EPS15: variants seen among roughly 807,000 people sequenced by gnomAD.
EPS15 encodes the protein epidermal growth factor receptor substrate 15.
Under a neutral mutation model 113.8 loss-of-function variants are expected in EPS15, and 72 were observed. That is an observed-to-expected ratio of 0.63 (90% CI 0.52 to 0.77). The LOEUF is 0.77. Among genes scored for constraint, EPS15 ranks in the 30% least tolerant of loss-of-function variants. EPS15 has a pLI of 0.00. For synonymous variants in EPS15, 344 were observed against 363.4 expected (o/e 0.95, Z 0.61); for missense variants, 1,048 against 1,045.8 (o/e 1.00, Z -0.03).
chr1:51,357,716 A>G (rs1481789443), intron 24 of EPS15, among the ~76,000 whole-genome samples: 1 of 149,090 alleles, frequency 6.7e-6, no homozygotes, highest in East Asian at 1.9e-4. Context: ...GGGTATACTA[A>G]GCAAGATGTG....
chr1:51,446,914 G>T, intron 10 of EPS15, 46 bp downstream of exon 10: 1 of 1,470,274 alleles, frequency 6.8e-7, no homozygotes, highest in Non-Finnish European at 9.2e-7. Context: ...AACTGGAATT[G>T]ATACAAAACC....
intron 1 of EPS15, among the ~76,000 whole-genome samples, chr1:51,488,923 T>A (rs915796137): frequency 6.6e-6 from 1 of 152,140 alleles, no homozygotes; most frequent in Non-Finnish European, 1.5e-5. Context: ...ACCCTTCTCA[T>A]AGCTGGCTAG....
intron 21 of EPS15, 99 bp from the exon 22 acceptor site, chr1:51,366,128 T>C (rs1010179581): frequency 8.1e-6 from 6 of 741,180 alleles, no homozygotes; most frequent in Non-Finnish European, 1.3e-5. Context: ...AGAGCAGTGG[T>C]ACGATCATGG....
intron 15 of EPS15, among the ~76,000 whole-genome samples, chr1:51,407,484 C>T (rs1649239792): frequency 6.6e-6 from 1 of 152,186 alleles, no homozygotes; most frequent in East Asian, 1.9e-4. Flanking sequence ...AGGCATGGGC[C>T]ACCACCATGC....
intron 21 of EPS15, 130 bp from the exon 22 acceptor site, chr1:51,366,159 C>T (rs1290684044): frequency 2.5e-5 from 15 of 594,116 alleles, no homozygotes; most frequent in Non-Finnish European, 4.4e-5. Flanking sequence ...CCTCAATCTC[C>T]CAGGCTCAAG....
At chr1:51,518,067 G>C (rs943265211) in intron 1 of EPS15, among the ~76,000 whole-genome samples, 1 of 152,096 alleles carries the variant, frequency 6.6e-6, no homozygotes, top group African/African-American at 2.4e-5. Flanking sequence ...AGACGGGATG[G>C]GCCCCAATCG....
rs376837476 is a variant in EPS15 at position 51,511,404 on chromosome 1, G to A, written c.33+7795C>T. The stretch of plus-strand genomic sequence containing the variant: ...CCAGCTACTCGGGAGGCTGAGGCAC[G>A]AGAATTGCTTGAACCCAGGGGTGGA... On this transcript the variant is annotated intron_variant, in intron 1 of 24. Coordinates refer to ENST00000371733, the MANE Select transcript of EPS15 (RefSeq NM_001981.3). Among the ~76,000 whole-genome samples, 20 of 150,244 alleles carry A rather than the reference G, an allele frequency of 1.3e-4. No homozygotes were observed. The East Asian group carries it at 2.0e-3, about 15-fold the overall frequency.
chr1:51,360,335 C>T (rs1570071347), intron 24 of EPS15, among the ~76,000 whole-genome samples: 1 of 152,078 alleles, frequency 6.6e-6, no homozygotes, highest in African/African-American at 2.4e-5. Context: ...AAATTTGTTA[C>T]CCGGTCTAAG....
chr1:51,426,160 C>T lies in EPS15; in HGVS notation c.1041-4302G>A, dbSNP rs147575932. Among the ~76,000 whole-genome samples the T allele has an allele frequency of 3.0e-4, 45 of 151,916 alleles. No individual in the cohort carries two copies. In the East Asian group the frequency reaches 4.5e-3, roughly 15 times the overall value. On this transcript the variant is annotated intron_variant, in intron 12 of 24. Coordinates refer to ENST00000371733, the MANE Select transcript of EPS15 (RefSeq NM_001981.3). ...TGGTGATGTAAGCTATTTGTTCTGACCGACTCTCTCTCCTTCTAGGGTTCA... is the reference window on the plus strand; with the variant it reads ...TGGTGATGTAAGCTATTTGTTCTGATCGACTCTCTCTCCTTCTAGGGTTCA...
intron 13 of EPS15, among the ~76,000 whole-genome samples, chr1:51,417,769 T>C (rs953829833): frequency 1.3e-5 from 2 of 152,180 alleles, no homozygotes; most frequent in East Asian, 1.9e-4. Flanking sequence ...TTCTGGACTA[T>C]AACAACAAAA....
intron 13 of EPS15, among the ~76,000 whole-genome samples, chr1:51,412,385 A>G (rs1649810820): frequency 6.6e-6 from 1 of 152,228 alleles, no homozygotes; most frequent in South Asian, 2.1e-4. Flanking sequence ...TAATAATAAA[A>G]AAGAATTAGA....
chr1:51,477,974 T>A (rs1355385200), intron 2 of EPS15, among the ~76,000 whole-genome samples: 1 of 152,180 alleles, frequency 6.6e-6, no homozygotes, highest in Non-Finnish European at 1.5e-5. Context: ...TTAGGTCCGG[T>A]TGGTGCAGAG....
At chr1:51,362,128 T>C (rs1025214369) in intron 23 of EPS15, among the ~76,000 whole-genome samples, 5 of 151,600 alleles carry the variant, frequency 3.3e-5, no homozygotes, top group Admixed American at 1.3e-4. Flanking sequence ...AATATATTTT[T>C]TTCCTAAAAT....
chr1:51,396,495 G>A (rs928828961), intron 20 of EPS15, among the ~76,000 whole-genome samples: 1 of 152,134 alleles, frequency 6.6e-6, no homozygotes, highest in African/African-American at 2.4e-5. Flanking sequence ...TTTCGGATTT[G>A]GGGTGCTCAA....
At chr1:51,399,653 G>A (rs1648323687) in intron 19 of EPS15, among the ~76,000 whole-genome samples, 1 of 151,392 alleles carries the variant, frequency 6.6e-6, no homozygotes, top group South Asian at 2.1e-4. Flanking sequence ...GAGCTCAGGA[G>A]TTTAAGACCG....
At chr1:51,377,096 G>A (rs1421220001) in intron 21 of EPS15, among the ~76,000 whole-genome samples, 1 of 152,090 alleles carries the variant, frequency 6.6e-6, no homozygotes, top group East Asian at 1.9e-4. Flanking sequence ...GTGAAACCCT[G>A]TCTCTACTAA....
intron 15 of EPS15, 87 bp from the exon 16 acceptor site, chr1:51,406,195 G>C (rs1339198917): frequency 9.0e-7 from 1 of 1,112,246 alleles, no homozygotes; most frequent in African/African-American, 1.5e-5. Context: ...TTCCTGACGG[G>C]CTAGGTGTGG....
intron 20 of EPS15, among the ~76,000 whole-genome samples, chr1:51,396,225 T>C (rs1204435193): frequency 1.3e-5 from 2 of 152,234 alleles, no homozygotes; most frequent in Non-Finnish European, 1.5e-5. Flanking sequence ...GAGATAACTT[T>C]CCATGTTTCC....
intron 13 of EPS15, among the ~76,000 whole-genome samples, chr1:51,420,672 T>C (rs1650669048): frequency 6.6e-6 from 1 of 152,160 alleles, no homozygotes; most frequent in Non-Finnish European, 1.5e-5. Flanking sequence ...ATTATATTGA[T>C]GATGATCTCT....
Sources: gnomAD v4.1 joint callset for allele counts (sites outside exome capture counted in the v4.1 genomes callset) on GRCh38, gnomAD v4.1.1 for gene constraint, MANE v1.5 for transcripts, NCBI Gene and HGNC (gene_info 2026-07-23, HGNC 2026-07-21) for gene names.